Variants in GTF3C2 observed in about 807,000 individuals in gnomAD.
The protein encoded by GTF3C2 is general transcription factor IIIC subunit 2.
In GTF3C2, 17 loss-of-function variants were observed where a neutral mutation model predicts 117.4. That is an observed-to-expected ratio of 0.14 (90% confidence interval 0.10 to 0.22). The LOEUF is 0.22. GTF3C2 is among the 10% of genes least tolerant of loss of function. The pLI is 1.00. For missense variants in GTF3C2, 888 were observed against 1,143.6 expected (o/e 0.78, Z 3.22); for synonymous variants, 437 against 427.0 (o/e 1.02, Z -0.29).
chr2:27,350,318 T>A, intron 1 of GTF3C2: 1 of 690,056 alleles, frequency 1.4e-6, no homozygotes, highest in Non-Finnish European at 1.8e-6. Flanking sequence ...ACCTACCGAA[T>A]CAGCAATTCT....
chr2:27,336,617 ATAT>A (rs774139076), intron 7 of GTF3C2, 192 bp from the exon 8 acceptor site: 5 of 552,386 alleles, frequency 9.1e-6, no homozygotes, highest in East Asian at 3.1e-5. Context: ...AGTCTGTCTT[ATAT>A]TATTATTATT....
intron 12 of GTF3C2, among the ~76,000 whole-genome samples, chr2:27,332,563 C>T (rs561618902): frequency 5.2e-4 from 79 of 151,552 alleles, no homozygotes; most frequent in African/African-American, 1.8e-3. Flanking sequence ...TACAGGAGCC[C>T]GCCACCACGC....
At chr2:27,326,066 T>C in exon 19 of GTF3C2, 2 of 380,532 alleles carry the variant, frequency 5.3e-6, no homozygotes, top group Non-Finnish European at 1.1e-5. Context: ...AGATGACCAG[T>C]GATTGGGAAT....
rs1356944440 is a variant in GTF3C2 at position 27,337,590 on chromosome 2, G to C, written c.951-32C>G. 5 of 1,424,612 alleles carry C rather than the reference G, an allele frequency of 3.5e-6. No individual in the cohort carries two copies. In the African/African-American group the frequency reaches 5.6e-5, roughly 16 times the overall value. The allele number at this position is 1,424,612 out of a possible 1,614,324, so 88.2% of individuals were successfully genotyped here. A position where few individuals can be genotyped will look rare whatever the true frequency, so the allele number is the denominator to read the frequency against. On this transcript the variant is annotated intron_variant, in intron 5 of 18. Coordinates refer to ENST00000264720, the Ensembl canonical transcript of GTF3C2. ...AAACAGAAGAAGCATTAATGAAGGA[G>C]AGGGATTCTACAGCCGCACAGTCCA...
At chr2:27,347,577 G>A (rs1054693813) in intron 1 of GTF3C2, among the ~76,000 whole-genome samples, 4 of 152,130 alleles carry the variant, frequency 2.6e-5, no homozygotes, top group African/African-American at 7.2e-5. Context: ...TGCATATACC[G>A]AAAGAAAAGG....
intron 1 of GTF3C2, among the ~76,000 whole-genome samples, chr2:27,348,666 TG>T (rs1238999534): frequency 6.7e-6 from 1 of 150,234 alleles, no homozygotes; most frequent in East Asian, 2.0e-4. Flanking sequence ...TAGCTGGGCA[TG>T]GTGGCACAAG....
At chr2:27,326,969 A>T in intron 18 of GTF3C2, 76 bp from the exon 19 acceptor site, 1 of 874,840 alleles carries the variant, frequency 1.1e-6, no homozygotes, top group African/African-American at 1.7e-5. Context: ...GTATGAACAA[A>T]AAAAAAAAAT....
chr2:27,343,632 C>T, intron 1 of GTF3C2, 54 bp from the exon 2 acceptor site: 1 of 1,433,390 alleles, frequency 7.0e-7, no homozygotes, highest in South Asian at 1.2e-5. Context: ...TGTACTAGCT[C>T]AGATTTTTAT....
intron 7 of GTF3C2, chr2:27,336,737 T>G: frequency 3.2e-6 from 1 of 314,848 alleles, no homozygotes; most frequent in Non-Finnish European, 5.9e-6. Context: ...GCCTCTGGAG[T>G]AGCTGGGACT....
rs1680222000 is a variant in GTF3C2, at chr2:27,329,981, C to T, written c.1733-458G>A. Among the ~76,000 whole-genome samples, 1 of 151,132 alleles carries T rather than the reference C, an allele frequency of 6.6e-6. No individual in the cohort carries two copies. The highest frequency in any genetic ancestry group is 2.1e-4 in the South Asian group (1 of 4,778). ...TCAACATGGTGAAACCCCGTCTCTACTAAAAATACAAAAAATTGGCCAGAT... is the reference window on the plus strand; with the variant it reads ...TCAACATGGTGAAACCCCGTCTCTATTAAAAATACAAAAAATTGGCCAGAT... On this transcript the variant is annotated intron_variant, in intron 12 of 18. Coordinates refer to ENST00000264720, the Ensembl canonical transcript of GTF3C2. This position sits in a 1 kb window ranked among gnomAD's most constrained non-coding sequence, Gnocchi z 4.5.
Position 27,342,139 on chromosome 2 carries a change from TG to T in GTF3C2, c.663del (p.Thr222ProfsTer52). 6.2e-7 allele frequency: 1 copy of T among 1,614,084 alleles called. No individual in the cohort carries two copies. On this transcript the variant is annotated frameshift_variant, in exon 4 of 19. Transcript: ENST00000264720. LOFTEE classifies it high-confidence loss of function. ...GGCTGCCGGATCTTCTTCGGTTTGG[TG>T]GGGCTGCTCACCTTGGGGCCCTCAG...
At chr2:27,335,609 T>C in exon 10 of GTF3C2, 15 of 1,545,578 alleles carry the variant, frequency 9.7e-6, no homozygotes, top group Non-Finnish European at 1.3e-5. Context: ...TGGGGGTTGC[T>C]GAGCCAGCAG....
At chr2:27,354,055 TAA>T (rs11399437) in intron 1 of GTF3C2, among the ~76,000 whole-genome samples, 23 of 117,122 alleles carry the variant, frequency 2.0e-4, no homozygotes, top group African/African-American at 1.9e-4. Flanking sequence ...AGCAAAACAT[TAA>T]AAAAAAAAAA....
intron 1 of GTF3C2, among the ~76,000 whole-genome samples, chr2:27,344,856 G>A (rs959761926): frequency 2.0e-5 from 3 of 151,982 alleles, no homozygotes; most frequent in East Asian, 1.9e-4. Flanking sequence ...ATGGTGGTGC[G>A]CACCTGTAGT....
rs1353113036 is a variant in GTF3C2 at position 27,333,515 on chromosome 2, C to CT, written c.1732+139dup. ...AAATAGTCTAGTGACTTATTTCTTT[C>CT]TATTTTTTTTTTTTTACATTGCTTG... On this transcript the variant is annotated intron_variant, in intron 12 of 18. Coordinates refer to ENST00000264720, the Ensembl canonical transcript of GTF3C2. 2.7e-4 allele frequency: 165 copies of CT among 609,912 alleles called. No homozygotes were observed. In the East Asian group the frequency reaches 4.2e-3, roughly 16 times the overall value. 37.8% of individuals were successfully genotyped at this position (609,912 alleles called of 1,614,324 possible). A position where few individuals can be genotyped will look rare whatever the true frequency, so the allele number is the denominator to read the frequency against.
At chr2:27,327,470 G>A (rs1404042011) in intron 17 of GTF3C2, among the ~76,000 whole-genome samples, 186 bp from the exon 18 acceptor site, 3 of 150,720 alleles carry the variant, frequency 2.0e-5, no homozygotes, top group Non-Finnish European at 3.0e-5. Flanking sequence ...GATTACAGGC[G>A]CCCGCCGTCA....
exon 19 of GTF3C2, chr2:27,326,467 T>C (rs1049836): frequency 1.0e-5 from 6 of 595,610 alleles, no homozygotes; most frequent in African/African-American, 1.9e-5. Flanking sequence ...TGAGAGTTGG[T>C]GGAGGGAGAG....
chr2:27,337,176 T>C (rs1489553004), intron 7 of GTF3C2, 68 bp downstream of exon 7: 11 of 924,658 alleles, frequency 1.2e-5, no homozygotes, highest in Non-Finnish European at 1.9e-5. Flanking sequence ...CTGTCATCTC[T>C]TTCAACATTC....
chr2:27,330,708 C>A (rs963880594), intron 12 of GTF3C2, among the ~76,000 whole-genome samples: 3 of 152,140 alleles, frequency 2.0e-5, no homozygotes, highest in African/African-American at 7.2e-5. Flanking sequence ...TGCCTGTAAT[C>A]TCAGCACTTT....
Sources: gnomAD v4.1 joint callset for allele counts (sites outside exome capture counted in the v4.1 genomes callset) on GRCh38, gnomAD v4.1.1 for gene constraint, Gnocchi (gnomAD v3.1) non-coding constraint, MANE v1.5 for transcripts, NCBI Gene and HGNC (gene_info 2026-07-23, HGNC 2026-07-21) for gene names.